The following PABPC4L variants were observed in gnomAD, a reference collection of about 807,000 sequenced individuals.
PABPC4L encodes the protein poly(A) binding protein cytoplasmic 4 like, also known as polyadenylate-binding protein 4-like.
For synonymous variants in PABPC4L, 169 were observed against 164.1 expected, an observed-to-expected ratio of 1.03 and a Z score of -0.23; for missense variants, 452 against 451.4, an observed-to-expected ratio of 1.00 and a Z score of -0.01.
the PABPC4L span, among the ~76,000 whole-genome samples, chr4:133,950,147 T>G: frequency 0.33 from 50,217 of 151,890 alleles, 9,058 homozygotes; most frequent in East Asian, 0.52. Flanking sequence ...CATCCTCGAG[T>G]TTAACTGGCT....
the PABPC4L span, among the ~76,000 whole-genome samples, chr4:134,094,738 C>A: frequency 6.6e-6 from 1 of 151,576 alleles, no homozygotes; most frequent in East Asian, 1.9e-4. Flanking sequence ...TTAAAGGTAG[C>A]ATTTTTCTTT....
chr4:133,976,112 C>A, the PABPC4L span, among the ~76,000 whole-genome samples: 1 of 152,112 alleles, frequency 6.6e-6, no homozygotes, highest in Non-Finnish European at 1.5e-5. Context: ...TCCCCTGCCA[C>A]CTTCCCCCAA....
chr4:134,112,016 C>A, the PABPC4L span, among the ~76,000 whole-genome samples: 2 of 151,800 alleles, frequency 1.3e-5, no homozygotes, highest in African/African-American at 4.8e-5. Flanking sequence ...TATGAAATAT[C>A]AAACTATACA....
At chr4:134,187,763 G>C in the PABPC4L span, among the ~76,000 whole-genome samples, 11 of 151,900 alleles carry the variant, frequency 7.2e-5, no homozygotes, top group Non-Finnish European at 2.9e-5. Context: ...ATTAGTGCTA[G>C]CAGATTTCTT....
the PABPC4L span, among the ~76,000 whole-genome samples, chr4:134,004,818 G>C: frequency 6.6e-6 from 1 of 151,958 alleles, no homozygotes; most frequent in African/African-American, 2.4e-5. Context: ...CAACATGGAT[G>C]AGTCTGGAGG....
At chr4:133,963,204 CA>C in the PABPC4L span, among the ~76,000 whole-genome samples, 6 of 151,912 alleles carry the variant, frequency 3.9e-5, no homozygotes. Flanking sequence ...TTATATCAGA[CA>C]AAACAAACTT....
chr4:134,017,562 T>A, the PABPC4L span, among the ~76,000 whole-genome samples: 2 of 152,170 alleles, frequency 1.3e-5, no homozygotes, highest in Non-Finnish European at 2.9e-5. Context: ...CACTCTTAAC[T>A]CTTAAAGTAA....
chr4:134,066,819 C>A, the PABPC4L span, among the ~76,000 whole-genome samples: 1 of 151,920 alleles, frequency 6.6e-6, no homozygotes, highest in Admixed American at 6.6e-5. Flanking sequence ...TGTTTTAGCT[C>A]TGTTTATGTA....
chr4:133,996,811 T>G, the PABPC4L span, among the ~76,000 whole-genome samples: 1 of 152,144 alleles, frequency 6.6e-6, no homozygotes, highest in Non-Finnish European at 1.5e-5. Flanking sequence ...GATTATTTAG[T>G]ACAGATTTAA....
At chr4:133,994,204 G>A in the PABPC4L span, among the ~76,000 whole-genome samples, 2 of 152,030 alleles carry the variant, frequency 1.3e-5, no homozygotes, top group African/African-American at 4.8e-5. Context: ...GAATTCCAAG[G>A]GCTGTTTGAT....
At chr4:134,180,984 T>TG in the PABPC4L span, among the ~76,000 whole-genome samples, 4 of 151,874 alleles carry the variant, frequency 2.6e-5, no homozygotes, top group African/African-American at 9.7e-5. Context: ...CTACTGAAAC[T>TG]ATTCCAAAAA....
the PABPC4L span, among the ~76,000 whole-genome samples, chr4:134,041,919 A>G: frequency 6.6e-6 from 1 of 152,118 alleles, no homozygotes. Context: ...CAATCCCACT[A>G]ATAAGTATCT....
chr4:133,997,378 T>C, the PABPC4L span, among the ~76,000 whole-genome samples: 2 of 152,114 alleles, frequency 1.3e-5, no homozygotes, highest in Non-Finnish European at 2.9e-5. Flanking sequence ...ACAATGCACC[T>C]GGTCACCTAA....
chr4:134,173,683 A>G, the PABPC4L span, among the ~76,000 whole-genome samples: 2 of 152,092 alleles, frequency 1.3e-5, no homozygotes, highest in Non-Finnish European at 2.9e-5. Context: ...TTTATTGTAC[A>G]TTTCAAAAAA....
chr4:134,085,452 C>T, the PABPC4L span, among the ~76,000 whole-genome samples: 402 of 152,040 alleles, frequency 2.6e-3, 4 homozygotes, highest in Middle Eastern at 0.017. Context: ...CAAACACACA[C>T]GCACTAACGC....
chr4:134,022,926 T>A, the PABPC4L span, among the ~76,000 whole-genome samples: 1 of 152,048 alleles, frequency 6.6e-6, no homozygotes, highest in Non-Finnish European at 1.5e-5. Context: ...GATTTGATAT[T>A]AATTAATTAA....
chr4:134,103,626 C>T, the PABPC4L span, among the ~76,000 whole-genome samples: 29 of 151,764 alleles, frequency 1.9e-4, no homozygotes, highest in African/African-American at 6.5e-4. Flanking sequence ...TTCTGATGTA[C>T]TGGGTATTAG....
At chr4:134,120,068 T>C in the PABPC4L span, among the ~76,000 whole-genome samples, 1 of 151,656 alleles carries the variant, frequency 6.6e-6, no homozygotes, top group Admixed American at 6.6e-5. Flanking sequence ...CTGGTACATA[T>C]ATACATTTAT....
chr4:134,025,202 G>A, the PABPC4L span, among the ~76,000 whole-genome samples: 2 of 150,014 alleles, frequency 1.3e-5, no homozygotes, highest in African/African-American at 4.9e-5. Flanking sequence ...GCATGGTAGT[G>A]CATGCCTGTA....
Sources: allele counts gnomAD v4.1 joint callset (sites outside exome capture counted in the v4.1 genomes callset), GRCh38; gene constraint gnomAD v4.1.1; transcripts MANE v1.5; gene names NCBI Gene and HGNC (gene_info 2026-07-23, HGNC 2026-07-21).